Variants in GPC5 observed in about 807,000 individuals in gnomAD.
GPC5 encodes glypican 5.
Under a neutral mutation model 53.9 loss-of-function variants are expected in GPC5, and 47 were observed. That is an observed-to-expected ratio of 0.87 (90% CI 0.69 to 1.11). The LOEUF (loss-of-function observed/expected upper bound fraction) is 1.11. Among genes scored for constraint, GPC5 ranks in the 50% most tolerant of loss-of-function variants. The pLI, the probability that GPC5 is intolerant of heterozygous loss-of-function variation, is 0.00. For synonymous variants in GPC5, 286 were observed against 263.3 expected, an observed-to-expected ratio of 1.09 and a Z score of -0.84; for missense variants, 748 against 713.1, an observed-to-expected ratio of 1.05 and a Z score of -0.56.
chr13:92,378,603 T>C (rs1224557870), intron 7 of GPC5, among the ~76,000 whole-genome samples: 1 of 152,184 alleles, frequency 6.6e-6, no homozygotes, highest in Non-Finnish European at 1.5e-5. Context: ...ATAGAACTTT[T>C]CTTAGTACCG....
chr13:91,463,963 A>G (rs892917006), intron 2 of GPC5, among the ~76,000 whole-genome samples: 2 of 152,148 alleles, frequency 1.3e-5, no homozygotes, highest in Middle Eastern at 3.2e-3. Context: ...GAATGAAAAC[A>G]CTGTAAGCAA....
At chr13:92,577,139 A>G (rs1883211931) in intron 7 of GPC5, among the ~76,000 whole-genome samples, 1 of 152,172 alleles carries the variant, frequency 6.6e-6, no homozygotes, top group Non-Finnish European at 1.5e-5. Context: ...TCATGTGGGT[A>G]TATTATATTC....
At chr13:92,018,611 G>A (rs1007299769) in intron 6 of GPC5, among the ~76,000 whole-genome samples, 2 of 152,036 alleles carry the variant, frequency 1.3e-5, no homozygotes, top group Non-Finnish European at 2.9e-5. Context: ...ATATATTTAA[G>A]TGAAGTTTAA....
At chr13:91,923,584 G>A (rs1480305798) in intron 6 of GPC5, among the ~76,000 whole-genome samples, 1 of 151,794 alleles carries the variant, frequency 6.6e-6, no homozygotes, top group Non-Finnish European at 1.5e-5. Context: ...CCTTATGAAT[G>A]TAAGTTTTGC....
chr13:92,527,242 A>T lies in GPC5; in HGVS notation c.1562-339040A>T, dbSNP rs1226610597. Among the ~76,000 whole-genome samples, 2 of 35,424 alleles carry T rather than the reference A, an allele frequency of 5.6e-5. 1 individual carries two copies. The highest frequency in any genetic ancestry group is 9.6e-5 in the Non-Finnish European group (2 of 20,848). 23.2% of individuals were successfully genotyped at this position (35,424 alleles called of 152,430 possible). ...GAAAGAAAGAAAGAAAGAAAGAAAG[A>T]AAGAAAGAGAAAGAAAGAAAGAAAG... On this transcript the variant is annotated intron_variant, in intron 7 of 7. Transcript: ENST00000377067.
At chr13:92,197,480 C>A (rs549220456) in intron 7 of GPC5, among the ~76,000 whole-genome samples, 3 of 152,114 alleles carry the variant, frequency 2.0e-5, no homozygotes, top group Non-Finnish European at 4.4e-5. Context: ...ACTTGAAGGG[C>A]AAACCACATA....
chr13:92,819,199 T>C (rs924002430), intron 7 of GPC5, among the ~76,000 whole-genome samples: 1 of 152,036 alleles, frequency 6.6e-6, no homozygotes, highest in Non-Finnish European at 1.5e-5. Flanking sequence ...AAACCTGTTA[T>C]AGCATAGCAA....
At chr13:92,382,736 C>T (rs141609301) in intron 7 of GPC5, among the ~76,000 whole-genome samples, 99 of 152,104 alleles carry the variant, frequency 6.5e-4, no homozygotes, top group Non-Finnish European at 1.2e-3. Flanking sequence ...TATGGCCGGG[C>T]GCGGTGGCTC....
intron 2 of GPC5, among the ~76,000 whole-genome samples, chr13:91,485,205 C>A (rs1180459099): frequency 7.3e-6 from 1 of 137,586 alleles, no homozygotes; most frequent in Non-Finnish European, 1.5e-5. Flanking sequence ...CCATCATAAT[C>A]TTGGTCCCTT....
chr13:91,453,838 T>C (rs1881357831), intron 2 of GPC5, among the ~76,000 whole-genome samples: 1 of 152,074 alleles, frequency 6.6e-6, no homozygotes. Context: ...ATTTAATATA[T>C]CTTTTGAGCA....
At chr13:92,308,717 A>G (rs1300383763) in intron 7 of GPC5, among the ~76,000 whole-genome samples, 3 of 152,058 alleles carry the variant, frequency 2.0e-5, no homozygotes, top group Non-Finnish European at 4.4e-5. Context: ...ATTCAATTCC[A>G]TAAAGATTTG....
chr13:91,697,143 A>T (rs893533394), intron 3 of GPC5, among the ~76,000 whole-genome samples: 3 of 151,938 alleles, frequency 2.0e-5, no homozygotes, highest in Admixed American at 6.6e-5. Context: ...ATTTATCTGA[A>T]TTTTTTTTCT....
chr13:91,596,206 T>C (rs1248673628), intron 2 of GPC5, among the ~76,000 whole-genome samples: 8 of 152,184 alleles, frequency 5.3e-5, no homozygotes, highest in Admixed American at 3.9e-4. Flanking sequence ...TTTTGATATA[T>C]ATTTTTTCAT....
At chr13:92,314,478 T>A (rs1480438342) in intron 7 of GPC5, among the ~76,000 whole-genome samples, 1 of 152,150 alleles carries the variant, frequency 6.6e-6, no homozygotes, top group East Asian at 1.9e-4. Flanking sequence ...ATTCTAAGAG[T>A]ATTTATTCAT....
intron 7 of GPC5, among the ~76,000 whole-genome samples, chr13:92,364,432 G>T (rs999802956): frequency 6.6e-6 from 1 of 151,764 alleles, no homozygotes; most frequent in Admixed American, 6.6e-5. Flanking sequence ...TAGCATTCAA[G>T]TTTAAAAGGC....
intron 2 of GPC5, among the ~76,000 whole-genome samples, chr13:91,689,188 T>TAA (rs1300720131): frequency 4.0e-4 from 18 of 45,184 alleles, no homozygotes; most frequent in African/African-American, 2.2e-3. Context: ...TATATAAATA[T>TAA]ATATATATAT....
intron 6 of GPC5, among the ~76,000 whole-genome samples, chr13:92,032,373 A>T (rs1247032646): frequency 6.6e-6 from 1 of 151,544 alleles, no homozygotes; most frequent in African/African-American, 2.4e-5. Context: ...AAATCTTAGA[A>T]ATCACCACTA....
chr13:92,678,120 T>G (rs1163078660), intron 7 of GPC5, among the ~76,000 whole-genome samples: 1 of 152,208 alleles, frequency 6.6e-6, no homozygotes, highest in African/African-American at 2.4e-5. Context: ...ATTCTTTTAT[T>G]CAACAAATGT....
chr13:92,192,004 G>T (rs1219464602), intron 7 of GPC5, among the ~76,000 whole-genome samples: 1 of 152,076 alleles, frequency 6.6e-6, no homozygotes, highest in Non-Finnish European at 1.5e-5. Context: ...TGTAAATTAG[G>T]GACTGTCTGT....
Sources: gnomAD v4.1 joint callset for allele counts (sites outside exome capture counted in the v4.1 genomes callset) on GRCh38, gnomAD v4.1.1 for gene constraint, MANE v1.5 for transcripts, NCBI Gene and HGNC (gene_info 2026-07-23, HGNC 2026-07-21) for gene names.